Variants in NPAS3 observed in about 807,000 individuals in gnomAD.
NPAS3 encodes the protein neuronal PAS domain protein 3.
In NPAS3, 14 loss-of-function variants were observed where a neutral mutation model predicts 73.1. That is an observed-to-expected ratio of 0.19 (90% CI 0.13 to 0.30). The LOEUF (loss-of-function observed/expected upper bound fraction) is 0.30, where lower values mean the gene tolerates loss of function less well. Ranked by LOEUF, NPAS3 falls within the 10% of genes least tolerant of loss-of-function variation. The probability of loss-of-function intolerance (pLI) is 1.00; values close to 1 mark genes in which losing one functional copy is unlikely to be tolerated. For missense variants in NPAS3, 1,096 were observed against 1,250.0 expected, an observed-to-expected ratio of 0.88 and a Z score of 1.86; for synonymous variants, 620 against 541.5, an observed-to-expected ratio of 1.14 and a Z score of -2.01.
intron 2 of NPAS3, among the ~76,000 whole-genome samples, chr14:33,060,693 GCA>G (rs1464229705): frequency 1.3e-5 from 2 of 152,290 alleles, no homozygotes; most frequent in East Asian, 3.9e-4. Flanking sequence ...TGCCTCATCG[GCA>G]CAGAGTTGTG....
chr14:33,461,093 C>G (rs909382644), intron 4 of NPAS3, among the ~76,000 whole-genome samples: 3 of 152,172 alleles, frequency 2.0e-5, no homozygotes, highest in African/African-American at 7.2e-5. Flanking sequence ...TAAGTACGTT[C>G]AAAGCCTGAC....
chr14:33,037,960 A>G (rs1320918588), intron 1 of NPAS3, among the ~76,000 whole-genome samples: 1 of 152,220 alleles, frequency 6.6e-6, no homozygotes, highest in Non-Finnish European at 1.5e-5. Flanking sequence ...CATCGGGTCT[A>G]TAGAAGCACC....
At position 33,304,760 on chromosome 14, in the gene NPAS3, A is replaced by G. The variant is rs1434282681; in HGVS notation, c.386-62426A>G. ...CTATGAATACTCTAAAATTTTGTGT[A>G]TGCATGTTTATTTCATTTTCTATAA... On this transcript the variant is annotated intron_variant, in intron 3 of 11. Transcript: ENST00000356141. 3.9e-5 allele frequency among the ~76,000 whole-genome samples: 6 copies of G among 152,132 alleles called. No individual in the cohort carries two copies. The East Asian group carries it at 1.2e-3, about 29-fold the overall frequency.
chr14:33,027,191 CA>C (rs1414069680), intron 1 of NPAS3, among the ~76,000 whole-genome samples: 2 of 152,200 alleles, frequency 1.3e-5, no homozygotes, highest in African/African-American at 2.4e-5. Flanking sequence ...GAGTTAGGCA[CA>C]AGGGCCCTAT....
At chr14:33,126,054 A>C (rs188125294) in intron 2 of NPAS3, among the ~76,000 whole-genome samples, 71 of 152,326 alleles carry the variant, frequency 4.7e-4, no homozygotes, top group African/African-American at 1.7e-3. Flanking sequence ...AATGGGCCAT[A>C]GATACCTCAC....
chr14:33,372,295 A>C (rs2140440013), intron 4 of NPAS3, among the ~76,000 whole-genome samples: 1 of 152,186 alleles, frequency 6.6e-6, no homozygotes, highest in African/African-American at 2.4e-5. Flanking sequence ...TAGACTCCTT[A>C]ATTTTTGGTG....
intron 4 of NPAS3, among the ~76,000 whole-genome samples, chr14:33,551,069 C>T (rs2055089650): frequency 6.6e-6 from 1 of 152,146 alleles, no homozygotes; most frequent in African/African-American, 2.4e-5. Flanking sequence ...ACAATGATTT[C>T]CTGAAATTAA....
intron 5 of NPAS3, among the ~76,000 whole-genome samples, chr14:33,567,294 CCTTG>C (rs1472512899): frequency 6.6e-6 from 1 of 152,230 alleles, no homozygotes; most frequent in Non-Finnish European, 1.5e-5. Flanking sequence ...AGACGTGCTT[CCTTG>C]CTTTTGACAA....
intron 2 of NPAS3, among the ~76,000 whole-genome samples, chr14:33,196,094 G>C (rs183464996): frequency 2.6e-5 from 4 of 152,356 alleles, no homozygotes; most frequent in Admixed American, 2.6e-4. Context: ...TACTGGCAGA[G>C]TTCGGCCAGC....
At chr14:33,313,444 G>C (rs1164113416) in intron 3 of NPAS3, among the ~76,000 whole-genome samples, 2 of 152,062 alleles carry the variant, frequency 1.3e-5, no homozygotes, top group Non-Finnish European at 2.9e-5. Flanking sequence ...GCACCTCGCT[G>C]TAGTACAATT....
At chr14:33,056,414 G>A (rs949692036) in intron 2 of NPAS3, among the ~76,000 whole-genome samples, 6 of 152,316 alleles carry the variant, frequency 3.9e-5, no homozygotes, top group Non-Finnish European at 7.4e-5. Flanking sequence ...GGAATGATGA[G>A]TTGTAATTTG....
intron 1 of NPAS3, among the ~76,000 whole-genome samples, chr14:32,947,474 C>T (rs2036307090): frequency 6.6e-6 from 1 of 151,998 alleles, no homozygotes; most frequent in Non-Finnish European, 1.5e-5. Flanking sequence ...ATAATTTATT[C>T]ATCAGAATCC....
intron 4 of NPAS3, among the ~76,000 whole-genome samples, chr14:33,478,516 A>G (rs766886280): frequency 6.6e-6 from 1 of 152,194 alleles, no homozygotes; most frequent in Non-Finnish European, 1.5e-5. Context: ...TTAAATATGT[A>G]TATGATTAGA....
intron 4 of NPAS3, among the ~76,000 whole-genome samples, chr14:33,489,080 C>T (rs1433123947): frequency 6.6e-6 from 1 of 152,150 alleles, no homozygotes. Flanking sequence ...TACTTAGAGA[C>T]AGTGAGGGTT....
chr14:33,509,660 A>G (rs1339157043), intron 4 of NPAS3, among the ~76,000 whole-genome samples: 1 of 151,968 alleles, frequency 6.6e-6, no homozygotes, highest in Non-Finnish European at 1.5e-5. Context: ...TGCGTAATTC[A>G]CTAGGTACTT....
intron 3 of NPAS3, among the ~76,000 whole-genome samples, chr14:33,276,848 T>C (rs1029765590): frequency 3.9e-5 from 6 of 152,284 alleles, no homozygotes; most frequent in African/African-American, 1.4e-4. Flanking sequence ...AAATTTTGTT[T>C]CTTCTAAGGT....
intron 3 of NPAS3, among the ~76,000 whole-genome samples, chr14:33,337,424 ACT>A (rs1205484347): frequency 2.0e-5 from 3 of 151,674 alleles, no homozygotes; most frequent in Non-Finnish European, 4.4e-5. Context: ...TTGTTTCTGA[ACT>A]CTCTCTTGTT....
intron 3 of NPAS3, among the ~76,000 whole-genome samples, chr14:33,285,029 C>T (rs184999121): frequency 6.6e-6 from 1 of 152,172 alleles, no homozygotes; most frequent in Non-Finnish European, 1.5e-5. Flanking sequence ...AAGTGGCTCT[C>T]ATGCACATTT....
intron 4 of NPAS3, among the ~76,000 whole-genome samples, chr14:33,484,438 T>G (rs570953162): frequency 6.6e-6 from 1 of 152,320 alleles, no homozygotes; most frequent in East Asian, 1.9e-4. Flanking sequence ...TCCCGTAGTG[T>G]GTTTTACAGG....
Sources: allele counts gnomAD v4.1 joint callset (sites outside exome capture counted in the v4.1 genomes callset), GRCh38; gene constraint gnomAD v4.1.1; transcripts MANE v1.5; gene names NCBI Gene and HGNC (gene_info 2026-07-23, HGNC 2026-07-21).